SORCS2: variants seen among roughly 807,000 people sequenced by gnomAD.
SORCS2 encodes VPS10 domain-containing receptor SorCS2.
SORCS2 carries 100 observed loss-of-function variants against 141.6 expected under a neutral mutation model. The observed-to-expected ratio is 0.71, with a 90% CI of 0.60 to 0.83. The LOEUF is 0.83. Among genes scored for constraint, SORCS2 ranks in the 40% least tolerant of loss-of-function variants. SORCS2 has a pLI of 0.00. For synonymous variants in SORCS2, 789 were observed against 676.9 expected, an observed-to-expected ratio of 1.17 and a Z score of -2.57; for missense variants, 1,646 against 1,560.2, an observed-to-expected ratio of 1.05 and a Z score of -0.93.
At chr4:7,592,366 G>A (rs114658973) in intron 3 of SORCS2, among the ~76,000 whole-genome samples, 3 of 152,166 alleles carry the variant, frequency 2.0e-5, no homozygotes, top group African/African-American at 7.2e-5. Context: ...ATGAGCTTAG[G>A]CTCTGAGCGT....
Position 7,741,820 on chromosome 4 carries a change from C to A in SORCS2, c.*1556C>A, listed in dbSNP as rs10937857. ...TGAGCTTGGGGGAATTGCCTCATTT[C>A]CCCTGGAAAAGAAACATGGTCCATT... On this transcript the variant is annotated 3_prime_UTR_variant, in exon 27 of 27. Coordinates refer to ENST00000507866, the MANE Select transcript of SORCS2 (RefSeq NM_020777.3). 65,143 of 152,118 alleles carry A rather than the reference C, an allele frequency of 0.43. 14,265 individuals are homozygous for A. The highest frequency in any genetic ancestry group is 0.53 in the African/African-American group (21,939 of 41,456). 9.4% of individuals were successfully genotyped at this position (152,118 alleles called of 1,614,324 possible). A position where few individuals can be genotyped will look rare whatever the true frequency, so the allele number is the denominator to read the frequency against.
Position 7,286,345 on chromosome 4 carries a change from T to C in SORCS2, c.480+93219T>C, listed in dbSNP as rs1212112848. Among the ~76,000 whole-genome samples, 2 of 152,162 alleles carry C rather than the reference T, an allele frequency of 1.3e-5. No individual in the cohort carries two copies. The highest frequency in any genetic ancestry group is 2.9e-5 in the Non-Finnish European group (2 of 68,014). ...CTGTTGTGGGAGCAGCGGAAGAGCC[T>C]GGGGTGGCTCTGGGGCTGGGTTGGG... On this transcript the variant is annotated intron_variant, in intron 1 of 26. Transcript: ENST00000507866. This position sits in a 1 kb window ranked among gnomAD's most constrained non-coding sequence, Gnocchi z 4.1.
At chr4:7,279,232 G>C (rs1435020737) in intron 1 of SORCS2, among the ~76,000 whole-genome samples, 1 of 152,164 alleles carries the variant, frequency 6.6e-6, no homozygotes, top group Non-Finnish European at 1.5e-5. Context: ...TGTAAAAACA[G>C]TGTAAAAATA....
chr4:7,617,615 A>C (rs1181250645), intron 3 of SORCS2, among the ~76,000 whole-genome samples: 2 of 152,200 alleles, frequency 1.3e-5, no homozygotes, highest in Non-Finnish European at 2.9e-5. Context: ...ACAAGCGTGG[A>C]GCAAGGAGTG....
chr4:7,317,818 C>T (rs1156723793), intron 1 of SORCS2, among the ~76,000 whole-genome samples: 3 of 152,200 alleles, frequency 2.0e-5, no homozygotes, highest in Non-Finnish European at 4.4e-5. Flanking sequence ...GCCACCTCCA[C>T]CATTCAGCTG....
intron 5 of SORCS2, among the ~76,000 whole-genome samples, chr4:7,656,945 C>G (rs1721817000): frequency 6.6e-6 from 1 of 152,270 alleles, no homozygotes; most frequent in Non-Finnish European, 1.5e-5. Context: ...GCCGCCTGCC[C>G]CCGGCCAGCT....
At chr4:7,560,069 A>G (rs1280209833) in intron 3 of SORCS2, among the ~76,000 whole-genome samples, 1 of 152,230 alleles carries the variant, frequency 6.6e-6, no homozygotes, top group Non-Finnish European at 1.5e-5. Flanking sequence ...TTCTGGGGAT[A>G]GGCGACAGTC....
chr4:7,361,775 A>C (rs1721595036), intron 1 of SORCS2, among the ~76,000 whole-genome samples: 1 of 151,892 alleles, frequency 6.6e-6, no homozygotes, highest in South Asian at 2.1e-4. Flanking sequence ...AGAAAAAAAA[A>C]AACACAACGA....
intron 2 of SORCS2, among the ~76,000 whole-genome samples, chr4:7,450,441 C>A (rs1336005691): frequency 2.6e-5 from 4 of 152,234 alleles, no homozygotes; most frequent in Non-Finnish European, 5.9e-5. Flanking sequence ...TCAGGCGAGG[C>A]CCCATCATCT....
Position 7,638,323 on chromosome 4 carries a change from T to C in SORCS2, c.649-5T>C, listed in dbSNP as rs2108863370. ...CCAGGCCTCACAACCCGCTTTGTGT[T>C]TCAGGTCATCCTTGTCAGCTCCTCA... is the stretch of plus-strand genomic sequence containing the variant. On this transcript the variant is annotated splice_region_variant and splice_polypyrimidine_tract_variant and intron_variant, in intron 3 of 26. Coordinates refer to ENST00000507866, the MANE Select transcript of SORCS2 (RefSeq NM_020777.3). The C allele has an allele frequency of 6.7e-7, 1 of 1,499,868 alleles. No homozygotes were observed. Among genetic ancestry groups the C allele is most frequent in the Middle Eastern group, 1.8e-4 (1 of 5,542 alleles). 92.9% of individuals were successfully genotyped at this position (1,499,868 alleles called of 1,614,324 possible). A position where few individuals can be genotyped will look rare whatever the true frequency, so the allele number is the denominator to read the frequency against.
intron 3 of SORCS2, among the ~76,000 whole-genome samples, chr4:7,621,511 A>G: frequency 1.4e-5 from 2 of 138,654 alleles, no homozygotes; most frequent in African/African-American, 5.5e-5. Context: ...GTGTGTCTGT[A>G]TGTTTATGTG....
At chr4:7,195,052 A>G (rs1727089190) in intron 1 of SORCS2, among the ~76,000 whole-genome samples, 1 of 150,678 alleles carries the variant, frequency 6.6e-6, no homozygotes, top group Admixed American at 6.6e-5. Context: ...GCCAGCAGGG[A>G]TGGGGCACTG....
intron 3 of SORCS2, among the ~76,000 whole-genome samples, chr4:7,632,691 C>T (rs1055962843): frequency 6.6e-6 from 1 of 152,168 alleles, no homozygotes; most frequent in African/African-American, 2.4e-5. Context: ...TACCCAGAGC[C>T]CCCCGGCTGT....
chr4:7,725,450 C>T (rs756571919), intron 20 of SORCS2, among the ~76,000 whole-genome samples, 163 bp downstream of exon 20: 2 of 152,186 alleles, frequency 1.3e-5, no homozygotes, highest in Admixed American at 6.5e-5. Flanking sequence ...GCACACCCTC[C>T]GTGGGTGCCT....
intron 2 of SORCS2, among the ~76,000 whole-genome samples, chr4:7,436,104 A>G (rs1727284018): frequency 6.6e-6 from 1 of 152,230 alleles, no homozygotes; most frequent in African/African-American, 2.4e-5. Context: ...GGATTTGCTG[A>G]GTTCTTGCAG....
rs1560129166 is a variant in SORCS2 at position 7,233,601 on chromosome 4, C to T, written c.480+40475C>T. Among the ~76,000 whole-genome samples, 1 of 152,126 alleles carries T rather than the reference C, an allele frequency of 6.6e-6. No homozygotes were observed. Among genetic ancestry groups the T allele is most frequent in the South Asian group, 2.1e-4 (1 of 4,818 alleles). Reference sequence around the variant, plus strand: ...GACGAGGACTCAGGAATGAGGCTGGCGGTCACCGTGGAGTGCAGCGCTTCT... The same window carrying T: ...GACGAGGACTCAGGAATGAGGCTGGTGGTCACCGTGGAGTGCAGCGCTTCT... On this transcript the variant is annotated intron_variant, in intron 1 of 26. Transcript: ENST00000507866. The surrounding 1 kb of genome is among the most constrained non-coding windows in gnomAD (Gnocchi z 4.5).
chr4:7,345,382 G>A (rs1010491340), intron 1 of SORCS2, among the ~76,000 whole-genome samples: 1 of 152,218 alleles, frequency 6.6e-6, no homozygotes, highest in Admixed American at 6.5e-5. Context: ...CCTTCATGCT[G>A]TTGTTGGAAG....
intron 3 of SORCS2, among the ~76,000 whole-genome samples, chr4:7,556,863 C>T (rs1714158066): frequency 6.6e-6 from 1 of 150,430 alleles, no homozygotes; most frequent in African/African-American, 2.4e-5. Flanking sequence ...TCCAGTCACC[C>T]ACCATCCATC....
intron 1 of SORCS2, among the ~76,000 whole-genome samples, chr4:7,320,448 A>G (rs1487607287): frequency 6.6e-6 from 1 of 152,234 alleles, no homozygotes; most frequent in East Asian, 1.9e-4. Context: ...GTTTTCTTAC[A>G]TCCACCTGGA....
Sources: gnomAD v4.1 joint callset for allele counts (sites outside exome capture counted in the v4.1 genomes callset) on GRCh38, gnomAD v4.1.1 for gene constraint, Gnocchi (gnomAD v3.1) non-coding constraint, MANE v1.5 for transcripts, NCBI Gene and HGNC (gene_info 2026-07-23, HGNC 2026-07-21) for gene names.